The following ABHD18 variants were observed in gnomAD, a reference collection of about 807,000 sequenced individuals.
ABHD18 encodes the protein abhydrolase domain containing 18.
A neutral mutation model predicts 65.9 loss-of-function variants in ABHD18; 55 were observed. The observed-to-expected ratio is 0.84, with a 90% confidence interval of 0.67 to 1.05. The LOEUF (loss-of-function observed/expected upper bound fraction) is 1.05, where lower values mean the gene tolerates loss of function less well. ABHD18 is among the 50% of genes least tolerant of loss of function. The probability of loss-of-function intolerance (pLI) is 0.00; values close to 1 mark genes in which losing one functional copy is unlikely to be tolerated. For missense variants in ABHD18, 533 were observed against 558.5 expected (o/e 0.95, Z 0.46); for synonymous variants, 181 against 180.2 (o/e 1.00, Z -0.04).
At chr4:127,999,365 T>A (rs1193874035) in intron 4 of ABHD18, among the ~76,000 whole-genome samples, 2 of 152,040 alleles carry the variant, frequency 1.3e-5, no homozygotes. Context: ...GGCTCCTAGG[T>A]GAAGGTGAGT....
chr4:127,988,812 C>T (rs1198567917), intron 3 of ABHD18, among the ~76,000 whole-genome samples: 2 of 152,142 alleles, frequency 1.3e-5, no homozygotes, highest in African/African-American at 2.4e-5. Context: ...GAGGAAACCT[C>T]GTACAGTGTT....
chr4:128,001,794 T>C (rs1333834878), intron 4 of ABHD18: 1 of 1,537,680 alleles, frequency 6.5e-7, no homozygotes, highest in East Asian at 2.5e-5. Flanking sequence ...TAGAAACTTT[T>C]GTGGTCTTTT....
chr4:128,029,506 C>A (rs1362426340), intron 11 of ABHD18, among the ~76,000 whole-genome samples: 1 of 151,752 alleles, frequency 6.6e-6, no homozygotes, highest in Non-Finnish European at 1.5e-5. Context: ...CATAGTGAGA[C>A]CCTGTCCTTA....
At chr4:127,996,543 G>A (rs1202931274) in intron 4 of ABHD18, among the ~76,000 whole-genome samples, 2 of 152,128 alleles carry the variant, frequency 1.3e-5, no homozygotes, top group Non-Finnish European at 2.9e-5. Context: ...TACTGATGAG[G>A]GTCTATGTCC....
At chr4:127,990,476 A>C (rs1274854639) in intron 4 of ABHD18, among the ~76,000 whole-genome samples, 4 of 152,130 alleles carry the variant, frequency 2.6e-5, no homozygotes, top group African/African-American at 9.7e-5. Flanking sequence ...AGGCAGGAGC[A>C]TCTATTGAAC....
At chr4:128,026,589 T>G (rs1281143291) in intron 10 of ABHD18, among the ~76,000 whole-genome samples, 2 of 152,126 alleles carry the variant, frequency 1.3e-5, no homozygotes, top group Non-Finnish European at 2.9e-5. Context: ...TTAAAGTGAT[T>G]TGCCATTTGT....
intron 8 of ABHD18, among the ~76,000 whole-genome samples, chr4:128,019,248 C>T (rs900767861): frequency 2.6e-5 from 4 of 152,096 alleles, no homozygotes; most frequent in African/African-American, 7.2e-5. Flanking sequence ...TTTGACAATA[C>T]TACTCCTTTG....
intron 7 of ABHD18, 49 bp downstream of exon 7, chr4:128,011,749 G>A: frequency 7.3e-7 from 1 of 1,361,624 alleles, no homozygotes; most frequent in African/African-American, 1.5e-5. Flanking sequence ...CCAATATCCA[G>A]CAGTATTAAA....
At chr4:127,974,050 A>C (rs1375580988) in intron 1 of ABHD18, among the ~76,000 whole-genome samples, 1 of 151,990 alleles carries the variant, frequency 6.6e-6, no homozygotes. Context: ...GGAAAAGGGA[A>C]GAAGATGGAG....
At chr4:128,022,826 C>G (rs1457649299) in intron 10 of ABHD18, among the ~76,000 whole-genome samples, 1 of 149,812 alleles carries the variant, frequency 6.7e-6, no homozygotes, top group Non-Finnish European at 1.5e-5. Flanking sequence ...TGCAGTGGCA[C>G]GATCTTAGCT....
Position 128,028,781 on chromosome 4 carries a change from A to G in ABHD18, c.1108A>G (p.Ser370Gly), listed in dbSNP as rs751196852. ...HLLSKEQSRN[S>G]LRKESLIFMK... ...ACTTAGTAAAGAACAAAGCAGAAAC[A>G]GTCTTCGGAAAGAGTCTTTAATATT... Residue 370 changes from serine to glycine, a missense_variant, in exon 11 of 13, where the codon AGT becomes GGT. Transcript: ENST00000645843. 1.2e-6 allele frequency: 2 copies of G among 1,611,152 alleles called. No individual in the cohort carries two copies. The highest frequency in any genetic ancestry group is 2.2e-5 in the South Asian group (2 of 90,190).
At chr4:128,030,933 G>C in intron 12 of ABHD18, 1 of 1,135,170 alleles carries the variant, frequency 8.8e-7, no homozygotes, top group African/African-American at 1.6e-5. Flanking sequence ...AATATTAATG[G>C]CCAGGTATTT....
At chr4:127,980,696 G>A (rs1359261687) in intron 1 of ABHD18, among the ~76,000 whole-genome samples, 1 of 151,674 alleles carries the variant, frequency 6.6e-6, no homozygotes, top group Non-Finnish European at 1.5e-5. Flanking sequence ...GGGGTGGTGG[G>A]TGCCTGTAGT....
chr4:127,975,012 A>AAT (rs1747637306), intron 1 of ABHD18, among the ~76,000 whole-genome samples: 1 of 149,668 alleles, frequency 6.7e-6, no homozygotes. Context: ...AAAAAAAAAA[A>AAT]AAAAAAATAG....
At chr4:128,031,947 C>G (rs1758277498) in intron 12 of ABHD18, among the ~76,000 whole-genome samples, 1 of 152,148 alleles carries the variant, frequency 6.6e-6, no homozygotes, top group Admixed American at 6.5e-5. Context: ...CCTAGGGTTG[C>G]TAGGATTGCT....
chr4:127,980,773 T>A (rs1260985834), intron 1 of ABHD18, among the ~76,000 whole-genome samples: 2 of 146,382 alleles, frequency 1.4e-5, no homozygotes, highest in Non-Finnish European at 3.0e-5. Flanking sequence ...TGCAGTGAGC[T>A]TGGGATCGCA....
intron 1 of ABHD18, among the ~76,000 whole-genome samples, chr4:127,973,884 G>C (rs939050519): frequency 1.6e-5 from 2 of 128,244 alleles, no homozygotes; most frequent in Non-Finnish European, 3.3e-5. Flanking sequence ...CAAAAAAAAT[G>C]AATTCTGCCT....
rs957108110 is a variant in ABHD18 at position 128,037,787 on chromosome 4, C to T, written c.*1974C>T. 5.9e-5 allele frequency: 9 copies of T among 152,022 alleles called. No individual in the cohort carries two copies. Among genetic ancestry groups the T allele is most frequent in the African/African-American group, 2.2e-4 (9 of 41,418 alleles). 9.4% of individuals were successfully genotyped at this position (152,022 alleles called of 1,614,324 possible). A position where few individuals can be genotyped will look rare whatever the true frequency, so the allele number is the denominator to read the frequency against. On this transcript the variant is annotated 3_prime_UTR_variant, in exon 13 of 13. Transcript: ENST00000645843. ...ATGCAATTGATTTGTCCCATATAAA[C>T]TTTATTTTACAGAAAATATTTAAAG...
intron 9 of ABHD18, among the ~76,000 whole-genome samples, chr4:128,020,708 G>A (rs1447621339): frequency 6.6e-6 from 1 of 152,132 alleles, no homozygotes; most frequent in Admixed American, 6.6e-5. Context: ...CCAGACTCCA[G>A]TTAAGGGCCA....
Sources: allele counts gnomAD v4.1 joint callset (sites outside exome capture counted in the v4.1 genomes callset), GRCh38; gene constraint gnomAD v4.1.1; transcripts MANE v1.5; gene names NCBI Gene and HGNC (gene_info 2026-07-23, HGNC 2026-07-21).